The following PDE4B variants were observed in gnomAD, a reference collection of about 807,000 sequenced individuals.
The protein encoded by PDE4B is 3',5'-cyclic-AMP phosphodiesterase 4B.
PDE4B carries 20 observed loss-of-function variants against 82.2 expected under a neutral mutation model. The observed-to-expected ratio is 0.24, with a 90% confidence interval of 0.17 to 0.35. The LOEUF (loss-of-function observed/expected upper bound fraction) is 0.35, where lower values mean the gene tolerates loss of function less well. PDE4B is among the 10% of genes least tolerant of loss of function. PDE4B has a pLI of 1.00. For missense variants in PDE4B, 655 were observed against 907.2 expected, an observed-to-expected ratio of 0.72 and a Z score of 3.57; for synonymous variants, 320 against 318.9, an observed-to-expected ratio of 1.00 and a Z score of -0.04.
intron 1 of PDE4B, among the ~76,000 whole-genome samples, chr1:65,837,218 A>G (rs547359323): frequency 2.0e-5 from 3 of 152,154 alleles, no homozygotes; most frequent in African/African-American, 4.8e-5. Context: ...TATTGTATAT[A>G]CAAAGGACAA....
At chr1:65,975,114 C>T (rs1278061878) in intron 3 of PDE4B, among the ~76,000 whole-genome samples, 1 of 152,166 alleles carries the variant, frequency 6.6e-6, no homozygotes, top group East Asian at 1.9e-4. Flanking sequence ...GACCAAAATG[C>T]TGATAGTGAT....
At chr1:66,331,235 T>G (rs991654951) in intron 7 of PDE4B, among the ~76,000 whole-genome samples, 1 of 152,246 alleles carries the variant, frequency 6.6e-6, no homozygotes, top group Non-Finnish European at 1.5e-5. Context: ...ATGGCAGGAA[T>G]GTTATATTAG....
At chr1:66,104,952 C>G (rs1384226803) in intron 3 of PDE4B, among the ~76,000 whole-genome samples, 3 of 150,092 alleles carry the variant, frequency 2.0e-5, no homozygotes, top group Non-Finnish European at 3.0e-5. Context: ...AATTAGATCC[C>G]ATTTGTCAAT....
At chr1:65,799,816 G>T (rs6701146) in intron 1 of PDE4B, among the ~76,000 whole-genome samples, 3 of 151,910 alleles carry the variant, frequency 2.0e-5, no homozygotes, top group African/African-American at 7.3e-5. Flanking sequence ...TACAAACAGG[G>T]AACTCAGCCC....
chr1:66,006,206 T>G (rs2489909), intron 3 of PDE4B, among the ~76,000 whole-genome samples: 1 of 152,194 alleles, frequency 6.6e-6, no homozygotes, highest in Non-Finnish European at 1.5e-5. Context: ...TTCTTACAGC[T>G]TTGCTGCATT....
In PDE4B at chr1:65,913,245, G is replaced by C. The variant is rs1011063295; in HGVS notation, c.-70G>C. 1.2e-5 allele frequency: 16 copies of C among 1,319,682 alleles called. No individual in the cohort carries two copies. Among genetic ancestry groups the C allele is most frequent in the Non-Finnish European group, 1.8e-5 (16 of 913,080 alleles). The allele number at this position is 1,319,682 out of a possible 1,614,324, so 81.7% of individuals were successfully genotyped here. A position where few individuals can be genotyped will look rare whatever the true frequency, so the allele number is the denominator to read the frequency against. ...TTTTGTGTGTTTTTTTCTCCTGTAG[G>C]TATTAAAAAGTGTCAGCAAACTGCA... On this transcript the variant is annotated splice_region_variant and 5_prime_UTR_variant, in exon 2 of 17. Transcript: ENST00000341517.
intron 3 of PDE4B, among the ~76,000 whole-genome samples, chr1:65,969,031 A>G (rs1649994747): frequency 6.6e-6 from 1 of 152,174 alleles, no homozygotes; most frequent in Non-Finnish European, 1.5e-5. Flanking sequence ...GTAACAAATT[A>G]TCTCATTTAA....
chr1:66,044,035 GTATTATACT>G (rs1654546085), intron 3 of PDE4B, among the ~76,000 whole-genome samples: 1 of 4,674 alleles, frequency 2.1e-4, no homozygotes. Flanking sequence ...TATACTAAAT[GTATTATACT>G]AAATGTATTA....
intron 3 of PDE4B, among the ~76,000 whole-genome samples, chr1:66,207,909 G>T (rs544421992): frequency 1.3e-5 from 2 of 152,158 alleles, no homozygotes; most frequent in Non-Finnish European, 2.9e-5. Context: ...TTGATCTCAG[G>T]CTTGTTTATC....
intron 3 of PDE4B, among the ~76,000 whole-genome samples, chr1:66,202,825 C>G (rs370209917): frequency 6.6e-6 from 1 of 151,978 alleles, no homozygotes; most frequent in African/African-American, 2.4e-5. Flanking sequence ...TGTCTTTTAA[C>G]TGGAGCATTT....
intron 2 of PDE4B, among the ~76,000 whole-genome samples, chr1:65,917,655 C>T (rs573094681): frequency 6.6e-6 from 1 of 152,118 alleles, no homozygotes; most frequent in South Asian, 2.1e-4. Flanking sequence ...CGCACAATGT[C>T]TTTGTCTTCT....
rs570585593 is a variant in PDE4B at position 66,344,820 on chromosome 1, A to G, written c.748-10707A>G. Among the ~76,000 whole-genome samples, 5 of 152,320 alleles carry G rather than the reference A, an allele frequency of 3.3e-5. No homozygotes were observed. In the South Asian group the frequency reaches 1.0e-3, roughly 32 times the overall value. On this transcript the variant is annotated intron_variant, in intron 8 of 16. Coordinates refer to ENST00000341517, the MANE Select transcript of PDE4B (RefSeq NM_002600.4). ...TGATCCAGGACTTCATTTCCCAGAAAACTCTGCATCTGCCCGAGGGAACAT... is the reference window on the plus strand; with the variant it reads ...TGATCCAGGACTTCATTTCCCAGAAGACTCTGCATCTGCCCGAGGGAACAT...
chr1:65,847,543 C>G (rs917402736), intron 1 of PDE4B, among the ~76,000 whole-genome samples: 5 of 152,148 alleles, frequency 3.3e-5, no homozygotes, highest in African/African-American at 1.2e-4. Context: ...GCTGAAAGTC[C>G]CTGAATCCCT....
chr1:66,189,536 T>A (rs1647543008), intron 3 of PDE4B, among the ~76,000 whole-genome samples: 1 of 152,216 alleles, frequency 6.6e-6, no homozygotes, highest in Admixed American at 6.5e-5. Flanking sequence ...TTGTTTCTTT[T>A]TATTCTTTTT....
At chr1:65,894,488 C>T (rs1306882685) in intron 1 of PDE4B, among the ~76,000 whole-genome samples, 1 of 151,960 alleles carries the variant, frequency 6.6e-6, no homozygotes, top group Non-Finnish European at 1.5e-5. Flanking sequence ...TTTCTTAGAA[C>T]ACAAAATGTC....
Position 66,374,488 on chromosome 1 carries a change from G to C in PDE4B, c.*1810G>C, listed in dbSNP as rs2050897072. 1 of 152,568 alleles carries C rather than the reference G, an allele frequency of 6.6e-6. No individual in the cohort carries two copies. Among genetic ancestry groups the C allele is most frequent in the Non-Finnish European group, 1.5e-5 (1 of 68,032 alleles). 9.5% of individuals were successfully genotyped at this position (152,568 alleles called of 1,614,324 possible). A position where few individuals can be genotyped will look rare whatever the true frequency, so the allele number is the denominator to read the frequency against. The stretch of plus-strand genomic sequence containing the variant: ...ATCATTTTCAAATGTTTCTCACAAT[G>C]TATGTTATAGTATTATTATTATATA... On this transcript the variant is annotated 3_prime_UTR_variant, in exon 17 of 17. Coordinates refer to ENST00000341517, the MANE Select transcript of PDE4B (RefSeq NM_002600.4).
At chr1:66,047,618 G>T (rs550534462) in intron 3 of PDE4B, among the ~76,000 whole-genome samples, 1 of 151,642 alleles carries the variant, frequency 6.6e-6, no homozygotes, top group African/African-American at 2.4e-5. Flanking sequence ...AGAGGTGGCA[G>T]AAAGTTCCAT....
chr1:66,219,509 A>G (rs1650785277), intron 3 of PDE4B, among the ~76,000 whole-genome samples: 1 of 152,164 alleles, frequency 6.6e-6, no homozygotes, highest in African/African-American at 2.4e-5. Context: ...GTCATGGGAA[A>G]AGTTGAAATC....
chr1:66,329,389 GA>G (rs1286928013), intron 7 of PDE4B, among the ~76,000 whole-genome samples: 1 of 152,140 alleles, frequency 6.6e-6, no homozygotes. Flanking sequence ...ATGACAAGTT[GA>G]AAGAGAGAAT....
Sources: gnomAD v4.1 joint callset for allele counts (sites outside exome capture counted in the v4.1 genomes callset) on GRCh38, gnomAD v4.1.1 for gene constraint, MANE v1.5 for transcripts, NCBI Gene and HGNC (gene_info 2026-07-23, HGNC 2026-07-21) for gene names.